Variants in PLXNA4 observed in about 807,000 individuals in gnomAD.
The protein encoded by PLXNA4 is plexin A4.
In PLXNA4, 44 loss-of-function variants were observed where a neutral mutation model predicts 191.8. The observed-to-expected ratio is 0.23, with a 90% CI of 0.18 to 0.29. The LOEUF (loss-of-function observed/expected upper bound fraction) is 0.29, where lower values mean the gene tolerates loss of function less well. PLXNA4 is among the 10% of genes least tolerant of loss of function. The pLI, the probability that PLXNA4 is intolerant of heterozygous loss-of-function variation, is 1.00. For synonymous variants in PLXNA4, 1,082 were observed against 1,009.5 expected (o/e 1.07, Z -1.36); for missense variants, 1,800 against 2,488.8 (o/e 0.72, Z 5.89).
At chr7:132,422,411 G>A (rs1304660248) in intron 3 of PLXNA4, among the ~76,000 whole-genome samples, 1 of 152,156 alleles carries the variant, frequency 6.6e-6, no homozygotes, top group East Asian at 1.9e-4. Flanking sequence ...AGCACGGAAG[G>A]ATATGCAACT....
chr7:132,385,804 C>A (rs1805111065), intron 3 of PLXNA4, among the ~76,000 whole-genome samples: 1 of 152,230 alleles, frequency 6.6e-6, no homozygotes, highest in Non-Finnish European at 1.5e-5. Context: ...CCTTGCCCCT[C>A]ACTAATAATT....
At chr7:132,192,713 G>A (rs957234209) in intron 14 of PLXNA4, among the ~76,000 whole-genome samples, 5 of 152,142 alleles carry the variant, frequency 3.3e-5, no homozygotes, top group African/African-American at 9.7e-5. Flanking sequence ...TACCATTACA[G>A]CTGTCATTAA....
chr7:132,431,523 G>A (rs2117197092), intron 3 of PLXNA4, among the ~76,000 whole-genome samples: 1 of 149,340 alleles, frequency 6.7e-6, no homozygotes, highest in South Asian at 2.1e-4. Flanking sequence ...GAAGGAGGAA[G>A]GGAGGGGGAA....
intron 3 of PLXNA4, among the ~76,000 whole-genome samples, chr7:132,312,822 A>G (rs1801797345): frequency 6.6e-6 from 1 of 152,222 alleles, no homozygotes; most frequent in Non-Finnish European, 1.5e-5. Flanking sequence ...GTAGATGAAA[A>G]GCATTTAGCA....
intron 25 of PLXNA4, among the ~76,000 whole-genome samples, chr7:132,151,462 GAGGAGGAGA>G (rs1266496232): frequency 8.5e-6 from 1 of 117,282 alleles, no homozygotes; most frequent in Non-Finnish European, 1.8e-5. Flanking sequence ...GAAGGAGGAG[GAGGAGGAGA>G]AAGGAGGAGG....
intron 3 of PLXNA4, among the ~76,000 whole-genome samples, chr7:132,318,045 C>T (rs11773724): frequency 0.036 from 5,495 of 152,300 alleles, 157 homozygotes; most frequent in Middle Eastern, 0.071. Flanking sequence ...GTAACCCGGT[C>T]AAAGAAACTC....
At chr7:132,499,389 G>A (rs1798157171) in intron 2 of PLXNA4, among the ~76,000 whole-genome samples, 1 of 152,236 alleles carries the variant, frequency 6.6e-6, no homozygotes, top group Admixed American at 6.5e-5. Flanking sequence ...CCAGACCCAT[G>A]GGAAATCCCA....
chr7:132,488,242 C>T (rs1244875492), intron 3 of PLXNA4, among the ~76,000 whole-genome samples: 2 of 152,198 alleles, frequency 1.3e-5, no homozygotes, highest in East Asian at 3.9e-4. Context: ...CGCAGAGATG[C>T]CAACAGAAAT....
intron 21 of PLXNA4, among the ~76,000 whole-genome samples, chr7:132,169,437 A>G (rs1354588253): frequency 1.3e-5 from 2 of 152,144 alleles, no homozygotes; most frequent in Non-Finnish European, 2.9e-5. Context: ...AACTGGAAAC[A>G]CTCAGATGTC....
At chr7:132,153,830 T>A (rs1455076083) in intron 25 of PLXNA4, among the ~76,000 whole-genome samples, 2 of 152,142 alleles carry the variant, frequency 1.3e-5, no homozygotes, top group Admixed American at 6.5e-5. Context: ...CACCCACACA[T>A]GTACACACAC....
intron 2 of PLXNA4, among the ~76,000 whole-genome samples, chr7:132,626,983 T>C (rs796799782): frequency 2.0e-5 from 3 of 152,324 alleles, no homozygotes; most frequent in African/African-American, 7.2e-5. Context: ...GAATCCAATC[T>C]ATGATGACAA....
chr7:132,273,175 T>A (rs534247103), intron 4 of PLXNA4, among the ~76,000 whole-genome samples: 1 of 152,248 alleles, frequency 6.6e-6, no homozygotes, highest in South Asian at 2.1e-4. Context: ...GCAGATGTCA[T>A]CCACTCTGAG....
intron 3 of PLXNA4, among the ~76,000 whole-genome samples, chr7:132,375,247 C>T (rs1339119226): frequency 2.6e-5 from 4 of 152,132 alleles, no homozygotes; most frequent in African/African-American, 9.7e-5. Flanking sequence ...ACACATCTTC[C>T]ATGTCATCTT....
intron 5 of PLXNA4, among the ~76,000 whole-genome samples, chr7:132,232,639 T>C (rs1052425696): frequency 2.0e-5 from 3 of 152,184 alleles, no homozygotes; most frequent in African/African-American, 4.8e-5. Context: ...GTGGTTCCAA[T>C]GAGATTATCC....
chr7:132,549,116 G>GT (rs1309908146), intron 1 of PLXNA4, among the ~76,000 whole-genome samples: 4 of 152,176 alleles, frequency 2.6e-5, no homozygotes, highest in Admixed American at 6.5e-5. Context: ...AGAAACAACT[G>GT]TAAGTATACT....
At chr7:132,591,686 G>C (rs1023241689) in intron 2 of PLXNA4, among the ~76,000 whole-genome samples, 1 of 152,086 alleles carries the variant, frequency 6.6e-6, no homozygotes, top group African/African-American at 2.4e-5. Context: ...ACATATAAAG[G>C]ACTTAGCACA....
intron 1 of PLXNA4, among the ~76,000 whole-genome samples, chr7:132,560,810 C>T (rs964015499): frequency 1.3e-5 from 2 of 152,102 alleles, no homozygotes; most frequent in African/African-American, 4.8e-5. Context: ...TTGCTGCCCA[C>T]CACCTTCACC....
intron 15 of PLXNA4, 35 bp from the exon 16 acceptor site, chr7:132,185,498 G>T (rs1439904459): frequency 6.3e-7 from 1 of 1,591,460 alleles, no homozygotes; most frequent in East Asian, 2.2e-5. Context: ...TGGGCGCCTG[G>T]TGTTGAGGAG....
rs761980462 is a variant in PLXNA4, at chr7:132,179,750, G to A, written c.3811C>T (p.Leu1271=). The A allele has an allele frequency of 4.4e-5, 71 of 1,614,072 alleles. No individual in the cohort carries two copies. In the East Asian group the frequency reaches 1.6e-3, roughly 36 times the overall value. ...TCCATCTGCATCTGCAGCCGCTTCAGCGTGAGGTCACTTTCGCGGGACTTG... is the reference window on the plus strand; with the variant it reads ...TCCATCTGCATCTGCAGCCGCTTCAACGTGAGGTCACTTTCGCGGGACTTG... ...KRKSRESDLT[L]KRLQMQMDNL... is the part of the protein sequence containing the mutation. Residue 1271 remains leucine (L), a synonymous_variant, in exon 20 of 32, where the codon CTG becomes TTG. Coordinates refer to ENST00000321063, the MANE Select transcript of PLXNA4 (RefSeq NM_020911.2).
Sources: gnomAD v4.1 joint callset for allele counts (sites outside exome capture counted in the v4.1 genomes callset) on GRCh38, gnomAD v4.1.1 for gene constraint, MANE v1.5 for transcripts, NCBI Gene and HGNC (gene_info 2026-07-23, HGNC 2026-07-21) for gene names.